NTRK3: variants seen among roughly 807,000 people sequenced by gnomAD.
NTRK3 encodes neurotrophic receptor tyrosine kinase 3.
In NTRK3, 24 loss-of-function variants were observed where a neutral mutation model predicts 91.7. The ratio of observed to expected loss-of-function variants is 0.26; its 90% CI spans 0.19 to 0.37. NTRK3 has a LOEUF of 0.37. NTRK3 is among the 10% of genes least tolerant of loss of function. The pLI is 1.00. For synonymous variants in NTRK3, 483 were observed against 404.0 expected, an observed-to-expected ratio of 1.20 and a Z score of -2.34; for missense variants, 880 against 1,068.9, an observed-to-expected ratio of 0.82 and a Z score of 2.46.
intron 13 of NTRK3, among the ~76,000 whole-genome samples, chr15:88,105,322 G>A (rs1034135825): frequency 6.6e-6 from 1 of 152,164 alleles, no homozygotes; most frequent in Non-Finnish European, 1.5e-5. Flanking sequence ...AGATTTAGGG[G>A]AACATTCAAG....
chr15:88,128,426 T>A (rs1386978231), intron 11 of NTRK3, among the ~76,000 whole-genome samples: 1 of 152,128 alleles, frequency 6.6e-6, no homozygotes, highest in Non-Finnish European at 1.5e-5. Flanking sequence ...ATGTCCATCC[T>A]CACACAGCCC....
At position 88,255,870 on chromosome 15, in the gene NTRK3, G is replaced by C. The variant is rs745594399; in HGVS notation, c.248+36C>G. The C allele has an allele frequency of 3.2e-6, 5 of 1,581,602 alleles. No homozygotes were observed. The highest frequency in any genetic ancestry group is 1.1e-5 in the South Asian group (1 of 87,952). On this transcript the variant is annotated intron_variant, in intron 3 of 18. Coordinates refer to ENST00000394480, the Ensembl canonical transcript of NTRK3. The surrounding 1 kb of genome is among the most constrained non-coding windows in gnomAD (Gnocchi z 4.3). ...TGGGCAGGAGGGAGACGCAGAGCGC[G>C]GGGGAGGCAGGCTGGGGAGCGGCCG...
chr15:88,102,805 G>C (rs1440999303), intron 13 of NTRK3, among the ~76,000 whole-genome samples: 1 of 152,126 alleles, frequency 6.6e-6, no homozygotes, highest in African/African-American at 2.4e-5. Flanking sequence ...ACTCTACCAA[G>C]AGGATCACCT....
At chr15:87,983,705 C>T (rs78667434) in intron 14 of NTRK3, among the ~76,000 whole-genome samples, 4,541 of 152,286 alleles carry the variant, frequency 0.03, 245 homozygotes, top group African/African-American at 0.1. Context: ...CAACTAACCA[C>T]TTTGCAATAC....
At chr15:88,179,723 G>T (rs2046300052) in intron 5 of NTRK3, among the ~76,000 whole-genome samples, 1 of 152,304 alleles carries the variant, frequency 6.6e-6, no homozygotes, top group Admixed American at 6.5e-5. Context: ...TGGTGGAGGA[G>T]ATCTCAACTC....
intron 17 of NTRK3, among the ~76,000 whole-genome samples, chr15:87,907,521 T>C (rs1252360300): frequency 6.6e-6 from 1 of 152,156 alleles, no homozygotes; most frequent in African/African-American, 2.4e-5. Context: ...AAGACTGCAG[T>C]ATCAGGATAA....
At chr15:88,148,223 C>T (rs1270562492) in intron 5 of NTRK3, among the ~76,000 whole-genome samples, 2 of 152,194 alleles carry the variant, frequency 1.3e-5, no homozygotes, top group Admixed American at 6.5e-5. Flanking sequence ...TAAAGGCAAA[C>T]ACAGACTCTT....
intron 14 of NTRK3, among the ~76,000 whole-genome samples, chr15:87,957,485 C>T (rs2071787120): frequency 6.6e-6 from 1 of 152,160 alleles, no homozygotes; most frequent in South Asian, 2.1e-4. Context: ...TCCTCATCTG[C>T]AAAATGGACT....
rs184100817 is a variant in NTRK3 at position 88,116,068 on chromosome 15, T to C, written c.1396+10203A>G. Among the ~76,000 whole-genome samples the C allele has an allele frequency of 6.6e-5, 10 of 152,304 alleles. No homozygotes were observed. The East Asian group carries it at 1.5e-3, about 24-fold the overall frequency. On this transcript the variant is annotated intron_variant, in intron 13 of 18. Transcript: ENST00000394480. ...GGAATGCTGGCTACCCACTGCCTGC[T>C]AGCCTCTCTGAGCTTCTGCCCAGAC...
chr15:87,949,984 C>G (rs1028126767), intron 14 of NTRK3, among the ~76,000 whole-genome samples: 4 of 152,130 alleles, frequency 2.6e-5, no homozygotes, highest in Admixed American at 1.3e-4. Context: ...TTCAAAGTGC[C>G]CATATGAGGG....
chr15:87,969,138 G>A (rs1032526885), intron 14 of NTRK3, among the ~76,000 whole-genome samples: 9 of 152,086 alleles, frequency 5.9e-5, no homozygotes, highest in East Asian at 1.9e-4. Context: ...CAGAGGGAAC[G>A]AATGAGAGAT....
At chr15:88,246,540 C>T (rs181053129) in intron 3 of NTRK3, among the ~76,000 whole-genome samples, 36 of 152,288 alleles carry the variant, frequency 2.4e-4, no homozygotes, top group Non-Finnish European at 4.9e-4. Flanking sequence ...TGATACTAGC[C>T]CCACAGTGAA....
intron 17 of NTRK3, among the ~76,000 whole-genome samples, chr15:87,903,628 C>T (rs1456705944): frequency 6.6e-6 from 1 of 152,156 alleles, no homozygotes; most frequent in African/African-American, 2.4e-5. Flanking sequence ...GATAAATCTC[C>T]AGTTAAGAAC....
chr15:88,002,168 G>GTTTTTT lies in NTRK3; in HGVS notation c.1585+30683_1585+30688dup, dbSNP rs770668339. Among the ~76,000 whole-genome samples the GTTTTTT allele has an allele frequency of 1.1e-3, 77 of 70,178 alleles. 4 individuals are homozygous for GTTTTTT. Among genetic ancestry groups the GTTTTTT allele is most frequent in the African/African-American group, 4.4e-3 (76 of 17,288 alleles). 46.0% of individuals were successfully genotyped at this position (70,178 alleles called of 152,430 possible). A position where few individuals can be genotyped will look rare whatever the true frequency, so the allele number is the denominator to read the frequency against. Reference sequence around the variant, plus strand: ...TTTCTCTCTCTGAAGGATAGTGGTTGTTTTTTTTTTTTTTTTTTTTTTTTT... The same window carrying GTTTTTT: ...TTTCTCTCTCTGAAGGATAGTGGTTGTTTTTTTTTTTTTTTTTTTTTTTTTTTTTTT... On this transcript the variant is annotated intron_variant, in intron 14 of 18. Coordinates refer to ENST00000394480, the Ensembl canonical transcript of NTRK3.
intron 13 of NTRK3, among the ~76,000 whole-genome samples, chr15:88,106,792 G>A (rs11855638): frequency 0.6 from 90,612 of 151,770 alleles, 28,002 homozygotes; most frequent in African/African-American, 0.75. Flanking sequence ...AATTAGCTGG[G>A]CATGGTGGTG....
intron 13 of NTRK3, among the ~76,000 whole-genome samples, chr15:88,058,234 C>T (rs1182451157): frequency 2.0e-5 from 3 of 152,122 alleles, no homozygotes; most frequent in Non-Finnish European, 2.9e-5. Flanking sequence ...ACCAGGACTA[C>T]GACGTCAGAC....
intron 5 of NTRK3, among the ~76,000 whole-genome samples, chr15:88,165,911 C>T (rs1257885420): frequency 1.3e-5 from 2 of 152,180 alleles, no homozygotes; most frequent in Non-Finnish European, 2.9e-5. Context: ...TTGTCTTGAT[C>T]TCCAGCTGGG....
At chr15:88,183,851 C>T (rs554858111) in intron 4 of NTRK3, among the ~76,000 whole-genome samples, 2 of 152,166 alleles carry the variant, frequency 1.3e-5, no homozygotes, top group East Asian at 3.9e-4. Context: ...TCACTAGTAC[C>T]GACATCCAAG....
chr15:88,179,785 T>C (rs1208321964), intron 5 of NTRK3, among the ~76,000 whole-genome samples: 1 of 152,218 alleles, frequency 6.6e-6, no homozygotes, highest in African/African-American at 2.4e-5. Context: ...CCTTAACTCC[T>C]TTCTGAAACT....
Sources: allele counts gnomAD v4.1 joint callset (sites outside exome capture counted in the v4.1 genomes callset), GRCh38; gene constraint gnomAD v4.1.1; non-coding constraint Gnocchi (gnomAD v3.1); transcripts MANE v1.5; gene names NCBI Gene and HGNC (gene_info 2026-07-23, HGNC 2026-07-21).